CMTR2: variants seen among roughly 807,000 people sequenced by gnomAD.
CMTR2 encodes the protein cap methyltransferase 2, also known as cap-specific mRNA (nucleoside-2'-O-)-methyltransferase 2.
Under a neutral mutation model 49.8 loss-of-function variants are expected in CMTR2, and 40 were observed. The ratio of observed to expected loss-of-function variants is 0.80; its 90% confidence interval spans 0.62 to 1.04. CMTR2 has a LOEUF of 1.04. Ranked by LOEUF, CMTR2 falls within the 50% of genes least tolerant of loss-of-function variation. CMTR2 has a pLI of 0.00. For missense variants in CMTR2, 907 were observed against 897.2 expected (o/e 1.01, Z -0.14); for synonymous variants, 326 against 315.8 (o/e 1.03, Z -0.34).
intron 2 of CMTR2, chr16:71,287,593 CCAGT>C (rs1328670590): frequency 2.0e-5 from 3 of 152,010 alleles, no homozygotes; most frequent in Non-Finnish European, 4.4e-5. Flanking sequence ...ACCACCACAC[CCAGT>C]TAGTTAAAAA....
chr16:71,284,958 CT>C lies in CMTR2; in HGVS notation c.962del (p.Lys321ArgfsTer13). On this transcript the variant is annotated frameshift_variant, in exon 3 of 3. Transcript: ENST00000434935. LOFTEE classifies it high-confidence loss of function. ...SEVYVVCLHYKGREAIHPLLS... is the reference protein window; with the variant it reads ...SEVYVVCLHYXGREAIHPLLS... ...ACAGAGGATGGATGGCCTCTCTCCC[CT>C]TATAGTGGAGGCAAACCACATAGAC... 1.9e-6 allele frequency: 3 copies of C among 1,614,158 alleles called. No homozygotes were observed. Among genetic ancestry groups the C allele is most frequent in the Non-Finnish European group, 2.5e-6 (3 of 1,180,004 alleles).
chr16:71,289,524 GAAGCTGGGAGGCGCCAGCC>G (rs2041800436), upstream of CMTR2: 1 of 152,122 alleles, frequency 6.6e-6, no homozygotes. Context: ...GCGGAGTACA[GAAGCTGGGAGGCGCCAGCC>G]TCCCGCCCCC....
Position 71,284,979 on chromosome 16 carries a change from A to G in CMTR2, c.942T>C (p.Tyr314=). The change falls in exon 3 of 3, where the codon TAT becomes TAC. Residue 314 remains tyrosine, a synonymous_variant. Transcript: ENST00000434935. The stretch of plus-strand genomic sequence containing the variant: ...TCCCCTTATAGTGGAGGCAAACCAC[A>G]TAGACTTCGGAGTTTCCTGCCTTGC... ...ATSKAGNSEV[Y]VVCLHYKGRE... 1 of 1,614,158 alleles carries G rather than the reference A, an allele frequency of 6.2e-7. No homozygotes were observed. The highest frequency in any genetic ancestry group is 8.5e-7 in the Non-Finnish European group (1 of 1,179,984).
rs1853012433 is a variant in CMTR2, at chr16:71,285,769, T to G, written c.152A>C (p.Glu51Ala). Reference protein sequence around the residue: ...NNEWQLPDPSEIFTCDHTELN... With the variant: ...NNEWQLPDPSAIFTCDHTELN... ...TTCAGTGTGGTCACAGGTGAAAATC[T>G]CACTGGGATCTGGTAACTGCCACTC... is the stretch of plus-strand genomic sequence containing the variant. Residue 51 changes from glutamate (E) to alanine (A), a missense_variant, in exon 3 of 3, where the codon GAG becomes GCG. Transcript: ENST00000434935. 1.9e-6 allele frequency: 3 copies of G among 1,613,914 alleles called. No homozygotes were observed. The Admixed American group carries it at 5.0e-5, about 27-fold the overall frequency.
Position 71,283,948 on chromosome 16 carries a change from A to G in CMTR2, c.1973T>C (p.Leu658Ser). 6.2e-7 allele frequency: 1 copy of G among 1,614,112 alleles called. No individual in the cohort carries two copies. The highest frequency in any genetic ancestry group is 1.3e-5 in the African/African-American group (1 of 75,074). The change falls in exon 3 of 3, where the codon TTG becomes TCG. Residue 658 changes from leucine (L) to serine (S), a missense_variant. Leu to Ser is a moderately radical substitution (Grantham distance 145). Transcript: ENST00000434935. ...AAAACAACTGTGGAGTACAAAGATC[A>G]AACCAGCCATAAATCTTGTGAAGCA... is the stretch of plus-strand genomic sequence containing the variant. ...LSCFTRFMAG[L>S]IFVLHSCFRF...
Position 71,284,506 on chromosome 16 carries a change from C to A in CMTR2, c.1415G>T (p.Gly472Val), listed in dbSNP as rs760668163. Reference protein sequence around the residue: ...GYFNSWAEEHGVYHPGQSSIL... With the variant: ...GYFNSWAEEHVVYHPGQSSIL... Reference sequence around the variant, plus strand: ...AGAACTCTGCCCAGGATGATATACACCATGTTCTTCAGCCCAACTATTAAA... The same window carrying A: ...AGAACTCTGCCCAGGATGATATACAACATGTTCTTCAGCCCAACTATTAAA... The change falls in exon 3 of 3, where the codon GGT (glycine) becomes GTT (valine). Residue 472 changes from glycine (G) to valine (V), a missense_variant. Transcript: ENST00000434935. 2.4e-5 allele frequency: 39 copies of A among 1,613,756 alleles called. No homozygotes were observed. In the South Asian group the frequency reaches 4.0e-4, roughly 16 times the overall value.
Position 71,284,979 on chromosome 16 carries a change from A to C in CMTR2, c.942T>G (p.Tyr314Ter), listed in dbSNP as rs1033377670. 6.2e-7 allele frequency: 1 copy of C among 1,614,158 alleles called. No individual in the cohort carries two copies. The highest frequency in any genetic ancestry group is 1.1e-5 in the South Asian group (1 of 91,078). The change falls in exon 3 of 3, where the codon TAT becomes TAG. Residue 314 changes from tyrosine (Y) to a stop codon, truncating the protein, a stop_gained. Transcript: ENST00000434935. LOFTEE classifies it high-confidence loss of function. ...ATSKAGNSEVYVVCLHYKGRE... is the reference protein window; with the variant it reads ...ATSKAGNSEV ...TCCCCTTATAGTGGAGGCAAACCAC[A>C]TAGACTTCGGAGTTTCCTGCCTTGC...
At chr16:71,288,421 T>G (rs2041767995) in intron 2 of CMTR2, 1 of 152,206 alleles carries the variant, frequency 6.6e-6, no homozygotes. Flanking sequence ...TTATTTGTCT[T>G]CCCCAAACTA....
In CMTR2 at chr16:71,284,490, C is replaced by A; in HGVS notation, c.1431G>T (p.Gly477=). ...WAEEHGVYHP[G]QSSILEGTAS... is the part of the protein sequence containing the mutation. ...CTGTTCCTTCTAAAATAGAACTCTG[C>A]CCAGGATGATATACACCATGTTCTT... The change falls in exon 3 of 3, where the codon GGG becomes GGT. Residue 477 remains glycine, a synonymous_variant. Transcript: ENST00000434935. The A allele has an allele frequency of 6.2e-7, 1 of 1,613,924 alleles. No individual in the cohort carries two copies. Among genetic ancestry groups the A allele is most frequent in the East Asian group, 2.2e-5 (1 of 44,874 alleles).
Position 71,284,421 on chromosome 16 carries a change from C to G in CMTR2, c.1500G>C (p.Lys500Asn). ...ECHLWHILEGKKLPKVKCSPF... is the reference protein window; with the variant it reads ...ECHLWHILEGNKLPKVKCSPF... ...GAGAACATTTTACCTTTGGCAGTTT[C>G]TTTCCCTCCAAAATATGCCATAAGT... The change falls in exon 3 of 3, where the codon AAG (lysine) becomes AAC (asparagine). Residue 500 changes from lysine (K) to asparagine (N), a missense_variant. Coordinates refer to ENST00000434935, the MANE Select transcript of CMTR2 (RefSeq NM_018348.6). 1 of 1,613,876 alleles carries G rather than the reference C, an allele frequency of 6.2e-7. No homozygotes were observed. The highest frequency in any genetic ancestry group is 2.2e-5 in the East Asian group (1 of 44,868).
chr16:71,281,904 A>C lies in CMTR2; in HGVS notation c.*1704T>G, dbSNP rs1355797158. 2 of 152,024 alleles carry C rather than the reference A, an allele frequency of 1.3e-5. No homozygotes were observed. The highest frequency in any genetic ancestry group is 4.8e-5 in the African/African-American group (2 of 41,530). The allele number at this position is 152,024 out of a possible 1,614,324, so 9.4% of individuals were successfully genotyped here. ...ATAAGCTGCATTATTAGTATATTGA[A>C]TCCCACTTAGCAAGGCATAAAGACT... is the stretch of plus-strand genomic sequence containing the variant. On this transcript the variant is annotated 3_prime_UTR_variant, in exon 3 of 3. Transcript: ENST00000434935.
Position 71,284,664 on chromosome 16 carries a change from T to C in CMTR2, c.1257A>G (p.Leu419=). The C allele has an allele frequency of 6.2e-7, 1 of 1,612,680 alleles. No homozygotes were observed. Among genetic ancestry groups the C allele is most frequent in the Non-Finnish European group, 8.5e-7 (1 of 1,179,458 alleles). The change falls in exon 3 of 3, where the codon CTA becomes CTG. Residue 419 remains leucine (L), a synonymous_variant. Coordinates refer to ENST00000434935, the MANE Select transcript of CMTR2 (RefSeq NM_018348.6). ...QLKHLSRNNW[L]VKKSSIGCST... is the part of the protein sequence containing the mutation. ...TACAACCAATACTAGATTTTTTTACTAGCCAATTATTTCTGGAAAGATGTT... is the reference window on the plus strand; with the variant it reads ...TACAACCAATACTAGATTTTTTTACCAGCCAATTATTTCTGGAAAGATGTT...
rs796299960 is a variant in CMTR2 at position 71,287,602 on chromosome 16, TA to T, written c.-20+1275del. The T allele has an allele frequency of 1.5e-3, 225 of 149,910 alleles. 1 individual carries two copies. The highest frequency in any genetic ancestry group is 5.1e-3 in the African/African-American group (210 of 40,944). 9.3% of individuals were successfully genotyped at this position (149,910 alleles called of 1,614,324 possible). A position where few individuals can be genotyped will look rare whatever the true frequency, so the allele number is the denominator to read the frequency against. On this transcript the variant is annotated intron_variant, in intron 2 of 2. Coordinates refer to ENST00000434935, the MANE Select transcript of CMTR2 (RefSeq NM_018348.6). ...ACGTGCACCACCACACCCAGTTAGT[TA>T]AAAAAAAAATTGTGGAGATGGGGTC...
rs960907780 is a variant in CMTR2, at chr16:71,284,987, C to T, written c.934G>A (p.Glu312Lys). 11 of 1,613,930 alleles carry T rather than the reference C, an allele frequency of 6.8e-6. No individual in the cohort carries two copies. Among genetic ancestry groups the T allele is most frequent in the Admixed American group, 1.7e-5 (1 of 59,986 alleles). Residue 312 changes from glutamate (E) to lysine (K), a missense_variant, in exon 3 of 3, where the codon GAA (glutamate) becomes AAA (lysine). Physicochemically the swap from Glu to Lys is moderately conservative, Grantham distance 56. Coordinates refer to ENST00000434935, the MANE Select transcript of CMTR2 (RefSeq NM_018348.6). ...TAGTGGAGGCAAACCACATAGACTT[C>T]GGAGTTTCCTGCCTTGCTAGTAGCA... ...KPATSKAGNS[E>K]VYVVCLHYKG...
chr16:71,285,488 C>T lies in CMTR2; in HGVS notation c.433G>A (p.Glu145Lys). ...CTAGCTATAAAAGCTCCTGGAGCTT[C>T]ACAAAGGTGTAGAGAATTCAGTTTT... is the stretch of plus-strand genomic sequence containing the variant. Reference protein sequence around the residue: ...NGKLNSLHLCEAPGAFIASLN... With the variant: ...NGKLNSLHLCKAPGAFIASLN... Residue 145 changes from glutamate to lysine, a missense_variant, in exon 3 of 3, where the codon GAA (glutamate) becomes AAA (lysine). Glu to Lys is a moderately conservative substitution (Grantham distance 56). Coordinates refer to ENST00000434935, the MANE Select transcript of CMTR2 (RefSeq NM_018348.6). 6.2e-7 allele frequency: 1 copy of T among 1,614,096 alleles called. No homozygotes were observed. The highest frequency in any genetic ancestry group is 8.5e-7 in the Non-Finnish European group (1 of 1,179,968).
rs1219299683 is a variant in CMTR2, at chr16:71,285,283, A to T, written c.638T>A (p.Leu213Gln). Residue 213 changes from leucine to glutamine, a missense_variant, in exon 3 of 3, where the codon CTG becomes CAG. Leu to Gln is a moderately radical substitution (Grantham distance 113). Transcript: ENST00000434935. ...ATTCTGAAGTCCAGTCAAGAATTTC[A>T]GGGTCATGATATCACCAGTGTTATC... ...GPDNTGDIMTLKFLTGLQNFI... is the reference protein window; with the variant it reads ...GPDNTGDIMTQKFLTGLQNFI... 1 of 1,614,068 alleles carries T rather than the reference A, an allele frequency of 6.2e-7. No individual in the cohort carries two copies. Among genetic ancestry groups the T allele is most frequent in the African/African-American group, 1.3e-5 (1 of 74,940 alleles).
intron 2 of CMTR2, chr16:71,288,457 T>G (rs1280828784): frequency 6.6e-6 from 1 of 152,218 alleles, no homozygotes; most frequent in Non-Finnish European, 1.5e-5. Flanking sequence ...AGGACAGAGA[T>G]CTTTGTTTTG....
Position 71,283,269 on chromosome 16 carries a change from C to A in CMTR2, c.*339G>T. On this transcript the variant is annotated 3_prime_UTR_variant, in exon 3 of 3. Transcript: ENST00000434935. The stretch of plus-strand genomic sequence containing the variant: ...GCTGGAAAAAAAAAACTAATCTGAA[C>A]AAAGGTACACAGATGCAAATCTTAA... 4.9e-6 allele frequency: 1 copy of A among 202,838 alleles called. No homozygotes were observed. The highest frequency in any genetic ancestry group is 9.8e-6 in the Non-Finnish European group (1 of 102,136). 12.6% of individuals were successfully genotyped at this position (202,838 alleles called of 1,614,324 possible).
rs538044421 is a variant in CMTR2 at position 71,289,130 on chromosome 16, G to C, written c.-80+6C>G. The stretch of plus-strand genomic sequence containing the variant: ...GGGCCCGGAATCGTACCCAGGCCTG[G>C]ATTACCTTCGCCCACGCCCACTGGG... On this transcript the variant is annotated splice_donor_region_variant and intron_variant, in intron 1 of 2. Transcript: ENST00000434935. 6.6e-6 allele frequency: 1 copy of C among 152,444 alleles called. No individual in the cohort carries two copies. Among genetic ancestry groups the C allele is most frequent in the African/African-American group, 2.4e-5 (1 of 41,568 alleles). The allele number at this position is 152,444 out of a possible 1,614,324, so 9.4% of individuals were successfully genotyped here. A position where few individuals can be genotyped will look rare whatever the true frequency, so the allele number is the denominator to read the frequency against.
Sources: allele counts gnomAD v4.1 joint callset, GRCh38; gene constraint gnomAD v4.1.1; transcripts MANE v1.5; gene names NCBI Gene and HGNC (gene_info 2026-07-23, HGNC 2026-07-21).